Variants in URI1 observed in about 807,000 individuals in gnomAD.
The protein encoded by URI1 is URI1 prefoldin like chaperone, also known as unconventional prefoldin RPB5 interactor 1.
In URI1, 39 loss-of-function variants were observed where a neutral mutation model predicts 60.2. That is an observed-to-expected ratio of 0.65 (90% CI 0.50 to 0.85). URI1 has a LOEUF of 0.85. Among genes scored for constraint, URI1 ranks in the 40% least tolerant of loss-of-function variants. The pLI, the probability that URI1 is intolerant of heterozygous loss-of-function variation, is 0.00. For synonymous variants in URI1, 251 were observed against 236.8 expected (o/e 1.06, Z -0.55); for missense variants, 691 against 665.9 (o/e 1.04, Z -0.42).
At chr19:29,987,927 G>A (rs1261828367) in intron 4 of URI1, among the ~76,000 whole-genome samples, 2 of 152,100 alleles carry the variant, frequency 1.3e-5, no homozygotes. Flanking sequence ...CAGCACTTTG[G>A]GAGGACAAGG....
Position 29,968,462 on chromosome 19 carries a change from C to T in URI1, c.118-2731C>T, listed in dbSNP as rs199680638. 1.9e-4 allele frequency among the ~76,000 whole-genome samples: 28 copies of T among 150,458 alleles called. No individual in the cohort carries two copies. The East Asian group carries it at 5.5e-3, about 29-fold the overall frequency. The stretch of plus-strand genomic sequence containing the variant: ...AAAGTAATTAATCTGAGTCCCCTTT[C>T]AGGAGAAATAAGATTATTTAGAATA... On this transcript the variant is annotated intron_variant, in intron 1 of 10. Coordinates refer to ENST00000392271, the MANE Select transcript of URI1 (RefSeq NM_003796.3).
rs992276512 is a variant in URI1, at chr19:30,001,910, C to A, written c.368-3451C>A. 2.0e-5 allele frequency among the ~76,000 whole-genome samples: 3 copies of A among 151,936 alleles called. No individual in the cohort carries two copies. The East Asian group carries it at 5.8e-4, about 29-fold the overall frequency. On this transcript the variant is annotated intron_variant, in intron 4 of 10. Transcript: ENST00000392271. ...ATACTAAGTACATGTATTCAATGTG[C>A]TATTTTAAAGCAGAAGTCCAAACCT...
intron 1 of URI1, chr19:29,958,064 A>T (rs1430061329): frequency 6.7e-6 from 1 of 149,924 alleles, no homozygotes; most frequent in East Asian, 1.9e-4. Flanking sequence ...TGCTGGGACC[A>T]CAACAAGTGT....
At position 29,986,018 on chromosome 19, in the gene URI1, CTT is replaced by C. The variant is rs942069316; in HGVS notation, c.232-262_232-261del. 4.1e-4 allele frequency among the ~76,000 whole-genome samples: 63 copies of C among 152,252 alleles called. 1 individual carries two copies. In the South Asian group the frequency reaches 8.1e-3, roughly 20 times the overall value. ...GTATAAACATGCCGAGACAGTACTACTTTCTTTAAGAGCTATATGTAAATATG... is the reference window on the plus strand; with the variant it reads ...GTATAAACATGCCGAGACAGTACTACTCTTTAAGAGCTATATGTAAATATG... On this transcript the variant is annotated intron_variant, in intron 3 of 10. Transcript: ENST00000392271.
intron 8 of URI1, among the ~76,000 whole-genome samples, chr19:30,010,198 G>A (rs1400797390): frequency 1.3e-5 from 2 of 152,244 alleles, no homozygotes; most frequent in Admixed American, 6.5e-5. Flanking sequence ...ACAATATCCC[G>A]ATTGCCTGTA....
At chr19:29,976,740 AC>A (rs1156655112) in intron 2 of URI1, among the ~76,000 whole-genome samples, 3 of 151,862 alleles carry the variant, frequency 2.0e-5, no homozygotes, top group Non-Finnish European at 4.4e-5. Context: ...GGCATTACTT[AC>A]AATCGTAAAT....
chr19:30,002,215 C>A (rs2055887344), intron 4 of URI1, among the ~76,000 whole-genome samples: 1 of 151,998 alleles, frequency 6.6e-6, no homozygotes, highest in African/African-American at 2.4e-5. Flanking sequence ...ATTTTTATTA[C>A]ATCTGCATTT....
At position 30,015,840 on chromosome 19, in the gene URI1, C is replaced by T; in HGVS notation, c.*771C>T. On this transcript the variant is annotated 3_prime_UTR_variant, in exon 11 of 11. Coordinates refer to ENST00000392271, the MANE Select transcript of URI1 (RefSeq NM_003796.3). ...ACTTCTCCCTTAGTTTTTGCAGTTTCACTGGGATTATGTTTTGGGAAACAA... is the reference window on the plus strand; with the variant it reads ...ACTTCTCCCTTAGTTTTTGCAGTTTTACTGGGATTATGTTTTGGGAAACAA... 2.7e-6 allele frequency: 1 copy of T among 369,766 alleles called. No individual in the cohort carries two copies. Among genetic ancestry groups the T allele is most frequent in the Non-Finnish European group, 4.8e-6 (1 of 207,854 alleles). The allele number at this position is 369,766 out of a possible 1,614,324, so 22.9% of individuals were successfully genotyped here.
intron 4 of URI1, among the ~76,000 whole-genome samples, chr19:29,987,855 A>G (rs1202867402): frequency 1.3e-5 from 2 of 152,160 alleles, no homozygotes; most frequent in African/African-American, 2.4e-5. Flanking sequence ...ATAATTTTCA[A>G]AGTACATATT....
chr19:29,956,449 A>C (rs967984941), intron 1 of URI1: 3 of 1,587,272 alleles, frequency 1.9e-6, no homozygotes, highest in Non-Finnish European at 2.6e-6. Context: ...TTTTTCAGAG[A>C]CATAGATACC....
intron 2 of URI1, among the ~76,000 whole-genome samples, chr19:29,975,824 G>A (rs1226571313): frequency 3.3e-5 from 5 of 152,066 alleles, no homozygotes; most frequent in African/African-American, 7.2e-5. Flanking sequence ...CTGTTTTCTG[G>A]AAACAGCAGT....
At chr19:30,000,360 A>G (rs540592003) in intron 4 of URI1, among the ~76,000 whole-genome samples, 7 of 151,528 alleles carry the variant, frequency 4.6e-5, no homozygotes, top group African/African-American at 1.7e-4. Flanking sequence ...TTTGCCTTTT[A>G]TTTATTTCCT....
At position 30,011,173 on chromosome 19, in the gene URI1, G is replaced by A. The variant is rs2056013255; in HGVS notation, c.1115G>A (p.Ser372Asn). 1.2e-6 allele frequency: 2 copies of A among 1,612,274 alleles called. No individual in the cohort carries two copies. Among genetic ancestry groups the A allele is most frequent in the South Asian group, 1.1e-5 (1 of 90,718 alleles). ...KEEAKRKRKNSTGSGHSAQEL... is the reference protein window; with the variant it reads ...KEEAKRKRKNNTGSGHSAQEL... ...GAAGCCAAACGTAAACGAAAGAACA[G>A]CACTGGCAGTGGCCACTCTGCCCAG... Residue 372 changes from serine to asparagine, a missense_variant, in exon 9 of 11, where the codon AGC becomes AAC. By Grantham distance (46) the Ser-to-Asn change is conservative. Transcript: ENST00000392271.
rs751262232 is a variant in URI1 at position 29,942,669 on chromosome 19, C to T, written c.117+5C>T. ...CTGCGCGAGGAGCAGGAAAAGGTAA[C>T]TAGCAGCCCCGCGCCGCTTCCGCCT... On this transcript the variant is annotated splice_donor_5th_base_variant and intron_variant, in intron 1 of 10. Coordinates refer to ENST00000392271, the MANE Select transcript of URI1 (RefSeq NM_003796.3). 6.5e-6 allele frequency: 9 copies of T among 1,395,020 alleles called. No individual in the cohort carries two copies. Among genetic ancestry groups the T allele is most frequent in the Non-Finnish European group, 8.4e-6 (9 of 1,074,194 alleles). 86.4% of individuals were successfully genotyped at this position (1,395,020 alleles called of 1,614,324 possible). A position where few individuals can be genotyped will look rare whatever the true frequency, so the allele number is the denominator to read the frequency against.
At chr19:29,969,957 A>AC (rs1434729011) in intron 1 of URI1, among the ~76,000 whole-genome samples, 1 of 152,026 alleles carries the variant, frequency 6.6e-6, no homozygotes, top group African/African-American at 2.4e-5. Context: ...TCTAAAATGG[A>AC]CTTTTTATGC....
At chr19:29,926,233 C>CTCCT (rs35040318) in intron 1 of URI1, among the ~76,000 whole-genome samples, 19,931 of 131,498 alleles carry the variant, frequency 0.15, 1,842 homozygotes, top group Non-Finnish European at 0.18. Flanking sequence ...TTCTTCCTCT[C>CTCCT]TCCTTCCTTC....
At chr19:29,995,403 A>AT (rs1162503947) in intron 4 of URI1, among the ~76,000 whole-genome samples, 1 of 151,514 alleles carries the variant, frequency 6.6e-6, no homozygotes, top group African/African-American at 2.4e-5. Context: ...TCTTTTGCCC[A>AT]TTTTTTATTT....
At chr19:30,008,867 G>T in intron 7 of URI1, 138 bp from the exon 8 acceptor site, 13 of 714,258 alleles carry the variant, frequency 1.8e-5, no homozygotes, top group African/African-American at 5.4e-5. Context: ...ACATTTTTTT[G>T]TTTTTGAACT....
At chr19:29,937,782 G>C (rs1405810458), upstream of URI1, 1 of 152,136 alleles carries the variant, frequency 6.6e-6, no homozygotes, top group Non-Finnish European at 1.5e-5. Flanking sequence ...TAATCCCTCA[G>C]GACTCAAAAA....
Sources: gnomAD v4.1 joint callset for allele counts (sites outside exome capture counted in the v4.1 genomes callset) on GRCh38, gnomAD v4.1.1 for gene constraint, MANE v1.5 for transcripts, NCBI Gene and HGNC (gene_info 2026-07-23, HGNC 2026-07-21) for gene names.